Variants in USP39 observed in about 807,000 individuals in gnomAD.
USP39 encodes ubiquitin specific peptidase 39.
In USP39, 38 loss-of-function variants were observed where a neutral mutation model predicts 66.4. The ratio of observed to expected loss-of-function variants is 0.57; its 90% CI spans 0.44 to 0.75. USP39 has a LOEUF of 0.75. USP39 is among the 30% of genes least tolerant of loss of function. The pLI, the probability that USP39 is intolerant of heterozygous loss-of-function variation, is 0.00. For synonymous variants in USP39, 303 were observed against 274.6 expected, an observed-to-expected ratio of 1.10 and a Z score of -1.02; for missense variants, 608 against 714.4, an observed-to-expected ratio of 0.85 and a Z score of 1.70.
At chr2:85,612,311 C>T (rs1235611429), upstream of USP39, 3 of 1,535,910 alleles carry the variant, frequency 2.0e-6, no homozygotes, top group South Asian at 3.6e-5. Context: ...TGCAAATCAT[C>T]TATAACACAA....
chr2:85,624,866 G>A (rs770753349), intron 4 of USP39, among the ~76,000 whole-genome samples: 1 of 151,946 alleles, frequency 6.6e-6, no homozygotes, highest in Non-Finnish European at 1.5e-5. Flanking sequence ...GGGAGGCTGA[G>A]GCAGGAGAGT....
intron 6 of USP39, among the ~76,000 whole-genome samples, chr2:85,633,358 G>C (rs1675516544): frequency 6.6e-6 from 1 of 152,036 alleles, no homozygotes; most frequent in African/African-American, 2.4e-5. Context: ...CCTCACCTCA[G>C]GTGATCCACC....
chr2:85,637,916 C>T (rs1242667858), intron 8 of USP39, among the ~76,000 whole-genome samples: 5 of 152,096 alleles, frequency 3.3e-5, no homozygotes, highest in Non-Finnish European at 7.4e-5. Context: ...AGGCTGGTCT[C>T]GAACTCCTGA....
chr2:85,613,599 A>T (rs972988950), upstream of USP39, among the ~76,000 whole-genome samples: 2 of 152,196 alleles, frequency 1.3e-5, no homozygotes. Flanking sequence ...AACAACATGG[A>T]TGGATCATAA....
intron 9 of USP39, 65 bp downstream of exon 9, chr2:85,639,456 T>C (rs992338916): frequency 1.0e-5 from 9 of 886,728 alleles, no homozygotes; most frequent in Non-Finnish European, 1.4e-5. Flanking sequence ...TTCATTTTCT[T>C]TTTTTTTTTT....
intron 1 of USP39, among the ~76,000 whole-genome samples, chr2:85,603,749 C>G (rs887821798): frequency 6.6e-6 from 1 of 151,966 alleles, no homozygotes; most frequent in Admixed American, 6.6e-5. Context: ...CCCGCCACCT[C>G]ACCCGGCTAA....
chr2:85,629,685 CGG>C (rs572484550), intron 5 of USP39, among the ~76,000 whole-genome samples: 24 of 149,196 alleles, frequency 1.6e-4, no homozygotes, highest in African/African-American at 5.4e-4. Flanking sequence ...TTAGTAGAGA[CGG>C]GGTTTCACCA....
chr2:85,640,619 AT>A (rs1423006715), intron 9 of USP39, among the ~76,000 whole-genome samples: 10,640 of 123,214 alleles, frequency 0.086, 1,258 homozygotes, highest in African/African-American at 0.31. Flanking sequence ...ATATATATAT[AT>A]TTTTTTTTTC....
At chr2:85,619,172 T>C (rs1573395186) in intron 1 of USP39, 48 bp from the exon 2 acceptor site, 1 of 1,599,922 alleles carries the variant, frequency 6.3e-7, no homozygotes, top group Non-Finnish European at 8.6e-7. Context: ...TAGTTGGCCC[T>C]GAGTATAGGT....
At chr2:85,609,436 T>C (rs771916910), upstream of USP39, 6 of 1,614,114 alleles carry the variant, frequency 3.7e-6, no homozygotes, top group African/African-American at 1.3e-5. Context: ...CAGGCGTACC[T>C]GATAGACGAT....
intron 1 of USP39, among the ~76,000 whole-genome samples, chr2:85,603,682 C>T (rs901909269): frequency 3.3e-5 from 5 of 151,584 alleles, no homozygotes; most frequent in Admixed American, 3.3e-4. Flanking sequence ...AGCTCCGCCT[C>T]ACGGGTTCAC....
intron 10 of USP39, among the ~76,000 whole-genome samples, chr2:85,641,681 C>T (rs1345852849): frequency 6.6e-6 from 1 of 152,058 alleles, no homozygotes; most frequent in African/African-American, 2.4e-5. Flanking sequence ...GCAGCTGGAT[C>T]GCTTGAGCTC....
intron 11 of USP39, among the ~76,000 whole-genome samples, chr2:85,647,666 A>C (rs1017621499): frequency 6.6e-5 from 10 of 151,974 alleles, no homozygotes; most frequent in East Asian, 3.9e-4. Flanking sequence ...CTCAAAAAAA[A>C]AAAAAAACAA....
intron 8 of USP39, 54 bp from the exon 9 acceptor site, chr2:85,639,149 G>T: frequency 6.6e-7 from 1 of 1,525,550 alleles, no homozygotes; most frequent in Non-Finnish European, 8.9e-7. Flanking sequence ...GTTCTGTGTT[G>T]GTTCCTATAC....
chr2:85,613,443 C>G (rs1055306748), upstream of USP39, among the ~76,000 whole-genome samples: 1 of 152,012 alleles, frequency 6.6e-6, no homozygotes, highest in Non-Finnish European at 1.5e-5. Context: ...ACCCGGGAGG[C>G]GGAGGTTGCA....
chr2:85,612,125 C>T, upstream of USP39: 4 of 904,128 alleles, frequency 4.4e-6, no homozygotes, highest in South Asian at 1.8e-5. Flanking sequence ...CCTGGCCAAG[C>T]GATGCAGCGC....
rs139486857 is a variant in USP39 at position 85,642,846 on chromosome 2, G to A, written c.1427+1728G>A. 1.2e-3 allele frequency among the ~76,000 whole-genome samples: 181 copies of A among 152,212 alleles called. 2 individuals are homozygous for A. The East Asian group carries it at 0.019, about 16-fold the overall frequency. On this transcript the variant is annotated intron_variant, in intron 10 of 12. Transcript: ENST00000323701. ...TGATTAGGCACCCTCTGCTTATTTG[G>A]AGATAGAGATTTTTGAGGGCAGGTT...
At chr2:85,611,872 C>T (rs964210418), upstream of USP39, 17 of 1,597,080 alleles carry the variant, frequency 1.1e-5, no homozygotes, top group Non-Finnish European at 1.4e-5. Flanking sequence ...CAGGGCGGGG[C>T]GGTACCGAGC....
At chr2:85,609,893 C>A (rs1404215573), upstream of USP39, among the ~76,000 whole-genome samples, 1 of 151,816 alleles carries the variant, frequency 6.6e-6, no homozygotes, top group East Asian at 1.9e-4. Context: ...GTTGGCCAGG[C>A]TGGTCTCAAA....
Sources: allele counts gnomAD v4.1 joint callset (sites outside exome capture counted in the v4.1 genomes callset), GRCh38; gene constraint gnomAD v4.1.1; transcripts MANE v1.5; gene names NCBI Gene and HGNC (gene_info 2026-07-23, HGNC 2026-07-21).